Variants in RIN3 observed in about 807,000 individuals in gnomAD.
The protein encoded by RIN3 is RAB5 interacting protein 3.
In RIN3, 54 loss-of-function variants were observed where a neutral mutation model predicts 76.3. The observed-to-expected ratio is 0.71, with a 90% CI of 0.57 to 0.89. The LOEUF (loss-of-function observed/expected upper bound fraction) is 0.89. Ranked by LOEUF, RIN3 falls within the 40% of genes least tolerant of loss-of-function variation. The pLI is 0.00. For synonymous variants in RIN3, 576 were observed against 564.0 expected, an observed-to-expected ratio of 1.02 and a Z score of -0.30; for missense variants, 1,256 against 1,322.1, an observed-to-expected ratio of 0.95 and a Z score of 0.78.
At chr14:92,576,300 C>A (rs904430266) in intron 2 of RIN3, 3 of 1,289,594 alleles carry the variant, frequency 2.3e-6, no homozygotes, top group South Asian at 2.5e-5. Flanking sequence ...CTTCGGGACC[C>A]TCACTGGAGC....
At chr14:92,614,772 A>G (rs1012237302) in intron 3 of RIN3, among the ~76,000 whole-genome samples, 3 of 151,026 alleles carry the variant, frequency 2.0e-5, no homozygotes, top group South Asian at 2.1e-4. Context: ...CACCAGCCAC[A>G]TAGAACTGTG....
intron 3 of RIN3, among the ~76,000 whole-genome samples, chr14:92,584,473 G>A (rs1309083245): frequency 6.6e-6 from 1 of 152,174 alleles, no homozygotes; most frequent in African/African-American, 2.4e-5. Context: ...CACAGGGCAG[G>A]GTAGCCACCA....
chr14:92,599,624 G>A (rs2140086573), intron 3 of RIN3, among the ~76,000 whole-genome samples: 1 of 152,238 alleles, frequency 6.6e-6, no homozygotes. Context: ...TACTTGACAA[G>A]AAAGATCAAA....
intron 2 of RIN3, among the ~76,000 whole-genome samples, chr14:92,570,765 C>G (rs1898043434): frequency 6.6e-6 from 1 of 151,910 alleles, no homozygotes; most frequent in African/African-American, 2.4e-5. Context: ...TCCAAATGAA[C>G]AAGGCCAGCA....
At chr14:92,669,454 T>C (rs1888214812) in intron 7 of RIN3, among the ~76,000 whole-genome samples, 1 of 152,170 alleles carries the variant, frequency 6.6e-6, no homozygotes. Flanking sequence ...TACAAGGGCA[T>C]TGGCCTTAGC....
chr14:92,608,455 C>T (rs1333378871), intron 3 of RIN3, among the ~76,000 whole-genome samples: 1 of 152,178 alleles, frequency 6.6e-6, no homozygotes, highest in Non-Finnish European at 1.5e-5. Context: ...CTGTGCAAAA[C>T]AGAAGATGCA....
At chr14:92,542,005 A>G (rs1035974100) in intron 1 of RIN3, among the ~76,000 whole-genome samples, 4 of 152,264 alleles carry the variant, frequency 2.6e-5, no homozygotes, top group Non-Finnish European at 5.9e-5. Flanking sequence ...CAAATGGCCA[A>G]TAATGGGTCA....
At chr14:92,676,855 G>T (rs547857566) in intron 8 of RIN3, among the ~76,000 whole-genome samples, 1 of 152,288 alleles carries the variant, frequency 6.6e-6, no homozygotes, top group East Asian at 1.9e-4. Context: ...TGGAATCCCA[G>T]AAGGCATAGG....
At chr14:92,578,243 A>G (rs551211444) in intron 3 of RIN3, among the ~76,000 whole-genome samples, 1 of 151,838 alleles carries the variant, frequency 6.6e-6, no homozygotes, top group African/African-American at 2.4e-5. Context: ...CTAAAAAAAA[A>G]AAAAAAGAAA....
rs145292991 is a variant in RIN3, at chr14:92,659,445, G to A, written c.2311G>A (p.Asp771Asn). The A allele has an allele frequency of 2.1e-4, 339 of 1,609,902 alleles. No homozygotes were observed. The highest frequency in any genetic ancestry group is 2.8e-4 in the Non-Finnish European group (329 of 1,177,854). ...GCTCAAGACCTGCAAACTCATCTAC[G>A]ACTCCATGGCCCTCGGCAACCCAGG... ...ILLKTCKLIY[D>N]SMALGNPGKP... The change falls in exon 7 of 10, where the codon GAC (aspartate) becomes AAC (asparagine). Residue 771 changes from aspartate (D) to asparagine (N), a missense_variant. By Grantham distance (23) the Asp-to-Asn change is conservative. This residue lies in a region of RIN3 where 428 missense variants were observed against 521.2 expected (regional missense o/e 0.82). Transcript: ENST00000216487.
chr14:92,651,504 G>A (rs1289305134), intron 5 of RIN3, 78 bp from the exon 6 acceptor site: 8 of 382,368 alleles, frequency 2.1e-5, no homozygotes, highest in South Asian at 2.3e-5. Context: ...CGTGGACCCC[G>A]CCCACAGACC....
intron 4 of RIN3, among the ~76,000 whole-genome samples, chr14:92,640,108 C>T (rs1000975938): frequency 5.2e-5 from 7 of 134,322 alleles, no homozygotes; most frequent in Non-Finnish European, 9.4e-5. Flanking sequence ...TCGTCGAGGG[C>T]TGCCTGACTG....
chr14:92,688,175 C>T lies in RIN3; in HGVS notation c.2881C>T (p.Arg961Trp), dbSNP rs1274109342. Reference sequence around the variant, plus strand: ...CAAGCGCGACTTCCACTTTGTCTACCGGCCCCTGGACGGTGGTGGCGGCGG... The same window carrying T: ...CAAGCGCGACTTCCACTTTGTCTACTGGCCCCTGGACGGTGGTGGCGGCGG... ...EPKRDFHFVY[R>W]PLDGGGGGGG... is the part of the protein sequence containing the mutation. The change falls in exon 10 of 10, where the codon CGG becomes TGG. Residue 961 changes from arginine to tryptophan, a missense_variant. By Grantham distance (101) the Arg-to-Trp change is moderately radical (BLOSUM62 -3). Around this residue, in one of 3 missense-constraint regions of RIN3, gnomAD observed 218 missense variants for 174.5 expected, o/e 1.25. Coordinates refer to ENST00000216487, the MANE Select transcript of RIN3 (RefSeq NM_024832.5). The T allele has an allele frequency of 1.9e-6, 3 of 1,596,946 alleles. No homozygotes were observed. The highest frequency in any genetic ancestry group is 8.5e-7 in the Non-Finnish European group (1 of 1,175,416).
At chr14:92,573,896 G>A (rs1898135659) in intron 2 of RIN3, among the ~76,000 whole-genome samples, 1 of 152,222 alleles carries the variant, frequency 6.6e-6, no homozygotes, top group Non-Finnish European at 1.5e-5. Context: ...GTTCATGGAT[G>A]CTGCAGCTCC....
chr14:92,631,891 C>T (rs1760810308), intron 4 of RIN3, among the ~76,000 whole-genome samples: 1 of 152,158 alleles, frequency 6.6e-6, no homozygotes, highest in Non-Finnish European at 1.5e-5. Flanking sequence ...TTATAATAAG[C>T]CTGTCTCAGA....
At chr14:92,617,197 G>A (rs1005267358) in intron 4 of RIN3, among the ~76,000 whole-genome samples, 4 of 152,164 alleles carry the variant, frequency 2.6e-5, no homozygotes, top group Non-Finnish European at 5.9e-5. Context: ...CTACTCAGGA[G>A]GCTGAAACAG....
At chr14:92,584,159 TG>T (rs536089813) in intron 3 of RIN3, among the ~76,000 whole-genome samples, 146 of 151,946 alleles carry the variant, frequency 9.6e-4, no homozygotes, top group Admixed American at 2.2e-3. Context: ...TCTGAGGGGG[TG>T]GGGGGGTCTT....
intron 4 of RIN3, among the ~76,000 whole-genome samples, chr14:92,620,850 A>G (rs1217854837): frequency 6.6e-6 from 1 of 152,198 alleles, no homozygotes; most frequent in African/African-American, 2.4e-5. Context: ...AGCCTGTGCA[A>G]TTAAGAAATT....
chr14:92,622,668 C>T (rs368144671), intron 4 of RIN3, among the ~76,000 whole-genome samples: 37 of 152,280 alleles, frequency 2.4e-4, no homozygotes, highest in African/African-American at 7.5e-4. Flanking sequence ...AGGCTAATTC[C>T]GATTGTCTAC....
Sources: gnomAD v4.1 joint callset for allele counts (sites outside exome capture counted in the v4.1 genomes callset) on GRCh38, gnomAD v4.1.1 for gene constraint, gnomAD v4.1.1 regional missense constraint, MANE v1.5 for transcripts, NCBI Gene and HGNC (gene_info 2026-07-23, HGNC 2026-07-21) for gene names.